Variants in PWWP2A observed in about 807,000 individuals in gnomAD.
PWWP2A encodes the protein PWWP domain-containing protein 2A.
PWWP2A carries 18 observed loss-of-function variants against 48.5 expected under a neutral mutation model. The observed-to-expected ratio is 0.37, with a 90% CI of 0.26 to 0.55. The LOEUF (loss-of-function observed/expected upper bound fraction) is 0.55. Among genes scored for constraint, PWWP2A ranks in the 20% least tolerant of loss-of-function variants. PWWP2A has a pLI of 0.81. For missense variants in PWWP2A, 867 were observed against 976.4 expected, an observed-to-expected ratio of 0.89 and a Z score of 1.49; for synonymous variants, 396 against 387.7, an observed-to-expected ratio of 1.02 and a Z score of -0.25.
intron 4 of PWWP2A, among the ~76,000 whole-genome samples, chr5:160,064,334 G>A (rs1290125210): frequency 2.0e-5 from 3 of 152,190 alleles, no homozygotes; most frequent in Non-Finnish European, 4.4e-5. Context: ...GGACTATTGA[G>A]GTCTTATTGA....
chr5:160,089,827 A>G (rs1754927253), downstream of PWWP2A: 2 of 985,416 alleles, frequency 2.0e-6, no homozygotes, highest in Admixed American at 1.2e-4. Flanking sequence ...TTATCTCCAT[A>G]TCAAGAATAA....
At chr5:160,104,980 G>A (rs140024690) in intron 1 of PWWP2A, among the ~76,000 whole-genome samples, 67 of 152,000 alleles carry the variant, frequency 4.4e-4, no homozygotes, top group African/African-American at 1.6e-3. Context: ...TGTGGCTCAC[G>A]CCTGTAATCC....
chr5:160,111,847 A>G (rs1757601980), intron 1 of PWWP2A, among the ~76,000 whole-genome samples: 1 of 152,182 alleles, frequency 6.6e-6, no homozygotes, highest in Non-Finnish European at 1.5e-5. Context: ...AATTTAAACT[A>G]AGAGAGCTGG....
chr5:160,119,183 G>A lies in PWWP2A; in HGVS notation c.206C>T (p.Pro69Leu), dbSNP rs780684779. Residue 69 changes from proline to leucine, a missense_variant, in exon 1 of 2, where the codon CCG (proline) becomes CTG (leucine). By Grantham distance (98) the Pro-to-Leu change is moderately conservative. Coordinates refer to ENST00000307063, the MANE Select transcript of PWWP2A (RefSeq NM_001130864.2). ...CTCCCCCGGCGGCGGCGGTGGCGGC[G>A]GGAGCGGCGGCTCGTCGGCCTGAGG... The part of the protein sequence containing the change: ...SAPQADEPPL[P>L]PPPPPPGELA... 5 of 1,483,660 alleles carry A rather than the reference G, an allele frequency of 3.4e-6. No homozygotes were observed. The highest frequency in any genetic ancestry group is 1.3e-5 in the South Asian group (1 of 75,138). 91.9% of individuals were successfully genotyped at this position (1,483,660 alleles called of 1,614,324 possible).
chr5:160,046,841 GTC>G, the PWWP2A span, among the ~76,000 whole-genome samples: 1 of 152,070 alleles, frequency 6.6e-6, no homozygotes, highest in African/African-American at 2.4e-5. Flanking sequence ...GTGAAACCCT[GTC>G]TCTACTAAAA....
At chr5:160,109,938 A>G (rs911382945) in intron 1 of PWWP2A, among the ~76,000 whole-genome samples, 9 of 149,970 alleles carry the variant, frequency 6.0e-5, no homozygotes, top group African/African-American at 2.2e-4. Flanking sequence ...GGACAAGAAA[A>G]TTAACCAATT....
At position 160,093,820 on chromosome 5, in the gene PWWP2A, A is replaced by T; in HGVS notation, c.830T>A (p.Phe277Tyr). ...HEGAPYPPPL[F>Y]IRDTYNQSIP... ...TGATTGGTTATATGTGTCCCTGATA[A>T]ACAAAGGGGGAGGATAAGGTGCTCC... Residue 277 changes from phenylalanine to tyrosine, a missense_variant, in exon 2 of 2, where the codon TTT (phenylalanine) becomes TAT (tyrosine). Coordinates refer to ENST00000307063, the MANE Select transcript of PWWP2A (RefSeq NM_001130864.2). The surrounding 1 kb of genome is among the most constrained non-coding windows in gnomAD (Gnocchi z 5.8). The T allele has an allele frequency of 6.2e-7, 1 of 1,614,050 alleles. No homozygotes were observed. Among genetic ancestry groups the T allele is most frequent in the Non-Finnish European group, 8.5e-7 (1 of 1,179,898 alleles).
chr5:160,078,595 G>C lies in PWWP2A; in HGVS notation c.1670-427C>G, dbSNP rs190748603. ...GCACCAACAGCCTTCTACTAGCACAGACTAGCCTACAGTTTTAAGGAACAA... is the reference window on the plus strand; with the variant it reads ...GCACCAACAGCCTTCTACTAGCACACACTAGCCTACAGTTTTAAGGAACAA... On this transcript the variant is annotated intron_variant, in intron 3 of 3. Coordinates refer to the PWWP2A transcript ENST00000456329. This position sits in a 1 kb window ranked among gnomAD's most constrained non-coding sequence, Gnocchi z 4.2. Among the ~76,000 whole-genome samples, 2 of 152,292 alleles carry C rather than the reference G, an allele frequency of 1.3e-5. No homozygotes were observed. The highest frequency in any genetic ancestry group is 1.9e-4 in the East Asian group (1 of 5,180).
At chr5:160,082,251 T>C (rs1466773658) in intron 2 of PWWP2A, among the ~76,000 whole-genome samples, 2 of 151,980 alleles carry the variant, frequency 1.3e-5, no homozygotes, top group Admixed American at 1.3e-4. Flanking sequence ...GAGACCATCC[T>C]GGCTAACACG....
the PWWP2A span, among the ~76,000 whole-genome samples, chr5:160,046,512 C>T: frequency 6.6e-6 from 1 of 152,000 alleles, no homozygotes; most frequent in African/African-American, 2.4e-5. Context: ...TGTATTTTCT[C>T]CCTAAGTGAT....
Position 160,119,420 on chromosome 5 carries a change from G to C in PWWP2A, c.-32C>G. On this transcript the variant is annotated 5_prime_UTR_variant, in exon 1 of 2. Coordinates refer to ENST00000307063, the MANE Select transcript of PWWP2A (RefSeq NM_001130864.2). ...CCTAGCTTCTCCCTCCTCCAACTCC[G>C]GCTGCAGCGGCGGCGGCGACAGCGC... 2 of 1,340,522 alleles carry C rather than the reference G, an allele frequency of 1.5e-6. No individual in the cohort carries two copies. Among genetic ancestry groups the C allele is most frequent in the Non-Finnish European group, 1.9e-6 (2 of 1,050,680 alleles). 83.0% of individuals were successfully genotyped at this position (1,340,522 alleles called of 1,614,324 possible). A position where few individuals can be genotyped will look rare whatever the true frequency, so the allele number is the denominator to read the frequency against.
At chr5:160,114,767 G>GT (rs1554105978) in intron 1 of PWWP2A, among the ~76,000 whole-genome samples, 3 of 45,716 alleles carry the variant, frequency 6.6e-5, no homozygotes, top group Non-Finnish European at 9.4e-5. Context: ...TGTCTCAAGG[G>GT]TAAAAAAAAA....
intron 1 of PWWP2A, among the ~76,000 whole-genome samples, chr5:160,096,302 C>A (rs1046001914): frequency 6.6e-6 from 1 of 152,192 alleles, no homozygotes; most frequent in Non-Finnish European, 1.5e-5. Flanking sequence ...TATCAGACTG[C>A]ACAGAAAGTT....
At chr5:160,048,390 A>G in the PWWP2A span, among the ~76,000 whole-genome samples, 4 of 152,196 alleles carry the variant, frequency 2.6e-5, no homozygotes, top group East Asian at 3.9e-4. Context: ...CCTGACCCCA[A>G]TTGACCTGCC....
rs781471964 is a variant in PWWP2A, at chr5:160,092,741, C to T, written c.1909G>A (p.Val637Ile). 327 of 1,551,478 alleles carry T rather than the reference C, an allele frequency of 2.1e-4. 1 individual carries two copies. The highest frequency in any genetic ancestry group is 2.6e-4 in the Non-Finnish European group (297 of 1,146,954). ...CATTTAGAGACGTTTTTGGAAAAGA[C>T]TTTCATTTTCAAGGAATTACTGAGC... is the stretch of plus-strand genomic sequence containing the variant. The part of the protein sequence containing the change: ...KKLSNSLKMK[V>I]FSKNVSKCVT... Residue 637 changes from valine to isoleucine, a missense_variant, in exon 2 of 2, where the codon GTC becomes ATC. Coordinates refer to ENST00000307063, the MANE Select transcript of PWWP2A (RefSeq NM_001130864.2).
downstream of PWWP2A, chr5:160,090,606 C>A: frequency 1.0e-6 from 1 of 985,074 alleles, no homozygotes; most frequent in African/African-American, 1.7e-5. Context: ...ATAAGAAATT[C>A]TACTTGCTTC....
At chr5:160,072,728 C>CATAAATAAATAA (rs34064564), downstream of PWWP2A, among the ~76,000 whole-genome samples, 1 of 150,900 alleles carries the variant, frequency 6.6e-6, no homozygotes, top group Admixed American at 6.6e-5. Flanking sequence ...GACTCCGTCT[C>CATAAATAAATAA]ATAAATAAAT....
At chr5:160,104,061 T>G (rs1224804646) in intron 1 of PWWP2A, among the ~76,000 whole-genome samples, 1 of 130,560 alleles carries the variant, frequency 7.7e-6, no homozygotes, top group Non-Finnish European at 1.6e-5. Context: ...GAGGCGGAGG[T>G]TGCAGTGACC....
downstream of PWWP2A, among the ~76,000 whole-genome samples, chr5:160,071,064 C>T (rs950674489): frequency 2.0e-5 from 3 of 152,132 alleles, no homozygotes; most frequent in African/African-American, 7.2e-5. Context: ...TGGTACACAC[C>T]TGTAGTCCCA....
Sources: gnomAD v4.1 joint callset for allele counts (sites outside exome capture counted in the v4.1 genomes callset) on GRCh38, gnomAD v4.1.1 for gene constraint, Gnocchi (gnomAD v3.1) non-coding constraint, MANE v1.5 for transcripts, NCBI Gene and HGNC (gene_info 2026-07-23, HGNC 2026-07-21) for gene names.